Variants in FHOD3 observed in about 807,000 individuals in gnomAD.
FHOD3 encodes FH1/FH2 domain-containing protein 3.
FHOD3 carries 90 observed loss-of-function variants against 173.0 expected under a neutral mutation model. The ratio of observed to expected loss-of-function variants is 0.52; its 90% CI spans 0.44 to 0.62. The LOEUF (loss-of-function observed/expected upper bound fraction) is 0.62, where lower values mean the gene tolerates loss of function less well. FHOD3 is among the 20% of genes least tolerant of loss of function. The probability of loss-of-function intolerance (pLI) is 0.00; values close to 1 mark genes in which losing one functional copy is unlikely to be tolerated. For missense variants in FHOD3, 1,945 were observed against 2,034.7 expected, an observed-to-expected ratio of 0.96 and a Z score of 0.85; for synonymous variants, 828 against 823.0, an observed-to-expected ratio of 1.01 and a Z score of -0.10.
chr18:36,682,794 C>G (rs1437967145), intron 15 of FHOD3, among the ~76,000 whole-genome samples: 1 of 152,106 alleles, frequency 6.6e-6, no homozygotes, highest in East Asian at 1.9e-4. Context: ...GTTGGCCAGG[C>G]TGTTGAACTC....
chr18:36,533,598 G>A (rs1031739240), intron 5 of FHOD3, among the ~76,000 whole-genome samples: 21 of 152,198 alleles, frequency 1.4e-4, no homozygotes, highest in Non-Finnish European at 2.5e-4. Flanking sequence ...ATGGTCTCCC[G>A]ATGAGCTTCG....
At chr18:36,534,602 G>A (rs569936434) in intron 5 of FHOD3, among the ~76,000 whole-genome samples, 1 of 152,172 alleles carries the variant, frequency 6.6e-6, no homozygotes, top group South Asian at 2.1e-4. Flanking sequence ...CACCTCCCGG[G>A]CTCAAGCAAT....
chr18:36,493,418 TG>T (rs1299629475), intron 3 of FHOD3, among the ~76,000 whole-genome samples: 1 of 152,116 alleles, frequency 6.6e-6, no homozygotes, highest in Admixed American at 6.5e-5. Context: ...CCATGCTTCC[TG>T]GGGGTTCGTT....
intron 1 of FHOD3, among the ~76,000 whole-genome samples, chr18:36,310,551 G>T (rs139604416): frequency 0.012 from 1,816 of 152,104 alleles, 47 homozygotes; most frequent in African/African-American, 0.041. Flanking sequence ...GCCAGGCATG[G>T]TGGTGGGTGC....
intron 14 of FHOD3, among the ~76,000 whole-genome samples, chr18:36,664,418 TAA>T (rs1466934478): frequency 7.9e-5 from 12 of 152,148 alleles, no homozygotes; most frequent in Admixed American, 5.9e-4. Context: ...TTACAAACAA[TAA>T]GAGTCCCTGT....
intron 13 of FHOD3, among the ~76,000 whole-genome samples, chr18:36,657,813 A>T (rs1249339426): frequency 6.6e-6 from 1 of 152,240 alleles, no homozygotes; most frequent in Admixed American, 6.5e-5. Flanking sequence ...TTTAAAAAAC[A>T]GGAAATGTTA....
intron 24 of FHOD3, among the ~76,000 whole-genome samples, chr18:36,751,420 A>G (rs913100331): frequency 6.6e-6 from 1 of 152,178 alleles, no homozygotes; most frequent in African/African-American, 2.4e-5. Flanking sequence ...GTCATTTGCA[A>G]ACAAAGATAG....
intron 3 of FHOD3, among the ~76,000 whole-genome samples, chr18:36,424,383 G>T (rs915166836): frequency 7.9e-5 from 12 of 151,876 alleles, no homozygotes; most frequent in African/African-American, 2.7e-4. Flanking sequence ...TTTTAGCAAC[G>T]TGTATGTTGT....
At chr18:36,523,050 G>T (rs1411378934) in intron 5 of FHOD3, among the ~76,000 whole-genome samples, 1 of 152,204 alleles carries the variant, frequency 6.6e-6, no homozygotes, top group Non-Finnish European at 1.5e-5. Flanking sequence ...TCTGGAGCCA[G>T]TTCCCACAGG....
chr18:36,447,487 G>A (rs954208219), intron 3 of FHOD3, among the ~76,000 whole-genome samples: 1 of 131,662 alleles, frequency 7.6e-6, no homozygotes, highest in African/African-American at 3.3e-5. Flanking sequence ...AGCTGGTTTT[G>A]TTTTGTTTGT....
chr18:36,381,861 G>A (rs2047809396), intron 3 of FHOD3, among the ~76,000 whole-genome samples: 3 of 152,206 alleles, frequency 2.0e-5, no homozygotes, highest in African/African-American at 4.8e-5. Context: ...ATGACGCCAT[G>A]GTATCACCTC....
At chr18:36,731,882 A>T (rs930562325) in intron 20 of FHOD3, among the ~76,000 whole-genome samples, 4 of 152,232 alleles carry the variant, frequency 2.6e-5, no homozygotes, top group Non-Finnish European at 5.9e-5. Context: ...AGGAAAAGCC[A>T]TTACTAGAGG....
Position 36,769,311 on chromosome 18 carries a change from C to T in FHOD3, c.4671C>T (p.Val1557=), listed in dbSNP as rs1256319658. Reference sequence around the variant, plus strand: ...TGGGAACTGATGACTCGCCCAATGTCACAGATGATGCAGCTGATGAGATCA... The same window carrying T: ...TGGGAACTGATGACTCGCCCAATGTTACAGATGATGCAGCTGATGAGATCA... ...WTMGTDDSPN[V]TDDAADEIMD... is the part of the protein sequence containing the mutation. Residue 1557 remains valine, a synonymous_variant, in exon 28 of 29, where the codon GTC becomes GTT. Transcript: ENST00000590592. 6.2e-7 allele frequency: 1 copy of T among 1,614,072 alleles called. No homozygotes were observed. Among genetic ancestry groups the T allele is most frequent in the Admixed American group, 1.7e-5 (1 of 60,006 alleles).
At chr18:36,606,241 A>C (rs185709154) in intron 8 of FHOD3, among the ~76,000 whole-genome samples, 1 of 152,272 alleles carries the variant, frequency 6.6e-6, no homozygotes, top group African/African-American at 2.4e-5. Context: ...CAGACTGGGT[A>C]ATTTATAAAG....
rs1244298690 is a variant in FHOD3, at chr18:36,297,792, CCCCGCTAACCCCGGGG to C, written c.-38_-23del. ...GCTACCCGGGCGTCCCGGCCCGCGG[CCCCGCTAACCCCGGGG>C]CCCGCGCCCCCGCGGCAGGGATGCA... On this transcript the variant is annotated 5_prime_UTR_variant, in exon 1 of 29. Transcript: ENST00000590592. The C allele has an allele frequency of 2.1e-5, 30 of 1,459,998 alleles. No individual in the cohort carries two copies. Among genetic ancestry groups the C allele is most frequent in the Non-Finnish European group, 2.7e-5 (30 of 1,100,998 alleles). The allele number at this position is 1,459,998 out of a possible 1,614,324, so 90.4% of individuals were successfully genotyped here.
intron 3 of FHOD3, among the ~76,000 whole-genome samples, chr18:36,449,617 T>C (rs74672249): frequency 0.022 from 3,309 of 152,324 alleles, 117 homozygotes; most frequent in African/African-American, 0.075. Context: ...AAATGCCTTC[T>C]AAAATAGCAG....
intron 3 of FHOD3, among the ~76,000 whole-genome samples, chr18:36,469,496 T>C (rs2053151188): frequency 1.3e-5 from 2 of 152,230 alleles, no homozygotes; most frequent in Non-Finnish European, 2.9e-5. Flanking sequence ...CTGGGCTCTC[T>C]TCAAGGTATT....
At chr18:36,337,220 CA>C (rs1473969488) in intron 1 of FHOD3, among the ~76,000 whole-genome samples, 2 of 151,766 alleles carry the variant, frequency 1.3e-5, no homozygotes, top group Non-Finnish European at 2.9e-5. Flanking sequence ...TCAGATTCTC[CA>C]GACTCACAAA....
chr18:36,726,997 AGGATGGAT>A (rs1232089800), intron 19 of FHOD3, among the ~76,000 whole-genome samples: 1 of 152,112 alleles, frequency 6.6e-6, no homozygotes, highest in African/African-American at 2.4e-5. Context: ...TAGCAAGAGT[AGGATGGAT>A]GGATGGATGG....
Sources: allele counts gnomAD v4.1 joint callset (sites outside exome capture counted in the v4.1 genomes callset), GRCh38; gene constraint gnomAD v4.1.1; transcripts MANE v1.5; gene names NCBI Gene and HGNC (gene_info 2026-07-23, HGNC 2026-07-21).